ROBO1: variants seen among roughly 807,000 people sequenced by gnomAD.
ROBO1 encodes roundabout homolog 1.
In ROBO1, 149 loss-of-function variants were observed where a neutral mutation model predicts 195.9. The ratio of observed to expected loss-of-function variants is 0.76; its 90% CI spans 0.67 to 0.87. The LOEUF (loss-of-function observed/expected upper bound fraction) is 0.87. Among genes scored for constraint, ROBO1 ranks in the 40% least tolerant of loss-of-function variants. ROBO1 has a pLI of 0.00. For missense variants in ROBO1, 1,933 were observed against 2,068.3 expected, an observed-to-expected ratio of 0.93 and a Z score of 1.27; for synonymous variants, 816 against 733.2, an observed-to-expected ratio of 1.11 and a Z score of -1.82.
At chr3:79,697,657 T>C (rs190889615) in intron 1 of ROBO1, among the ~76,000 whole-genome samples, 1 of 151,638 alleles carries the variant, frequency 6.6e-6, no homozygotes, top group Admixed American at 6.6e-5. Flanking sequence ...TGAGGTGATA[T>C]ATTAATAATA....
At chr3:79,755,551 G>A (rs571578902) in intron 1 of ROBO1, among the ~76,000 whole-genome samples, 1 of 152,288 alleles carries the variant, frequency 6.6e-6, no homozygotes, top group South Asian at 2.1e-4. Context: ...CATCTGAAAA[G>A]AGTGTTATCT....
chr3:78,711,394 CCTTCCTTT>C (rs1475568514), intron 8 of ROBO1, among the ~76,000 whole-genome samples: 18 of 36,362 alleles, frequency 5.0e-4, no homozygotes, highest in African/African-American at 1.4e-3. Flanking sequence ...TTCCTTCCTT[CCTTCCTTT>C]CTTTCTTTCT....
chr3:78,761,210 C>T (rs1292653149), intron 4 of ROBO1, among the ~76,000 whole-genome samples: 4 of 151,698 alleles, frequency 2.6e-5, no homozygotes, highest in African/African-American at 7.3e-5. Flanking sequence ...TTTGAAAATG[C>T]CCTGCAACTT....
At chr3:78,631,556 T>C (rs1156748854) in intron 24 of ROBO1, among the ~76,000 whole-genome samples, 1 of 152,176 alleles carries the variant, frequency 6.6e-6, no homozygotes, top group Admixed American at 6.5e-5. Context: ...ATATCATTAA[T>C]AGTGATCTTC....
chr3:78,923,059 C>T (rs555128214), intron 4 of ROBO1, among the ~76,000 whole-genome samples: 2 of 152,042 alleles, frequency 1.3e-5, no homozygotes, highest in African/African-American at 4.8e-5. Flanking sequence ...CAATAGTTAT[C>T]CAATTATGCA....
intron 1 of ROBO1, among the ~76,000 whole-genome samples, chr3:79,699,654 TG>T (rs1477394668): frequency 1.3e-5 from 2 of 149,858 alleles, no homozygotes; most frequent in African/African-American, 4.9e-5. Flanking sequence ...CGTATGTTGT[TG>T]TTTTTTTTTC....
chr3:78,666,085 G>A (rs1374294976), intron 14 of ROBO1, among the ~76,000 whole-genome samples: 3 of 151,970 alleles, frequency 2.0e-5, no homozygotes, highest in Admixed American at 2.0e-4. Flanking sequence ...GTTTTATAAG[G>A]GGCTTTGCTC....
chr3:79,766,416 G>C (rs953884100), intron 1 of ROBO1, among the ~76,000 whole-genome samples: 6 of 151,618 alleles, frequency 4.0e-5, no homozygotes, highest in Non-Finnish European at 8.8e-5. Context: ...GGATGTCTTA[G>C]CATTCCGTCT....
At chr3:78,925,870 A>C (rs1009388750) in intron 4 of ROBO1, among the ~76,000 whole-genome samples, 2 of 151,728 alleles carry the variant, frequency 1.3e-5, no homozygotes, top group African/African-American at 4.8e-5. Context: ...TCTGAAGCAA[A>C]ATGTACTTTT....
At chr3:78,933,084 G>A (rs990775216) in intron 4 of ROBO1, among the ~76,000 whole-genome samples, 1 of 152,070 alleles carries the variant, frequency 6.6e-6, no homozygotes, top group Non-Finnish European at 1.5e-5. Context: ...CCTATAATCT[G>A]TTTAACTAAG....
Position 78,717,431 on chromosome 3 carries a change from C to A in ROBO1, c.779-18G>T. 1 of 1,611,292 alleles carries A rather than the reference C, an allele frequency of 6.2e-7. No homozygotes were observed. The highest frequency in any genetic ancestry group is 8.5e-7 in the Non-Finnish European group (1 of 1,177,850). On this transcript the variant is annotated intron_variant, in intron 6 of 30. Coordinates refer to ENST00000464233, the MANE Select transcript of ROBO1 (RefSeq NM_002941.4). ...TGGTCTCTCTAAAATTAAAAAGAGT[C>A]ATCTTAAGGTAAAATTTTAAAATGA...
intron 20 of ROBO1, among the ~76,000 whole-genome samples, chr3:78,646,583 T>C (rs1335756908): frequency 1.5e-5 from 2 of 137,682 alleles, no homozygotes; most frequent in Non-Finnish European, 3.1e-5. Context: ...TTCATAATTT[T>C]ATATAGGTGT....
intron 5 of ROBO1, among the ~76,000 whole-genome samples, chr3:78,738,036 A>T (rs2082433041): frequency 6.6e-6 from 1 of 152,166 alleles, no homozygotes; most frequent in African/African-American, 2.4e-5. Context: ...GGGAAGAGGA[A>T]GCAAAAGACA....
intron 3 of ROBO1, among the ~76,000 whole-genome samples, chr3:78,966,686 G>A (rs113517807): frequency 5.3e-5 from 8 of 152,172 alleles, no homozygotes; most frequent in African/African-American, 1.9e-4. Context: ...AATACAATTG[G>A]CACCTCTTAA....
intron 1 of ROBO1, among the ~76,000 whole-genome samples, chr3:79,748,946 T>C (rs1703998726): frequency 6.6e-6 from 1 of 152,158 alleles, no homozygotes; most frequent in African/African-American, 2.4e-5. Context: ...GGGGTCCTGC[T>C]GAAAAGATAC....
Position 78,915,685 on chromosome 3 carries a change from G to GT in ROBO1, c.499+22915dup, listed in dbSNP as rs1338174432. On this transcript the variant is annotated intron_variant, in intron 4 of 30. Transcript: ENST00000464233. ...TTCCTTCCTTCCTTCATTTCTTTCT[G>GT]TTTTTTTTGAGGCAGGGTTTTGCTC... Among the ~76,000 whole-genome samples the GT allele has an allele frequency of 4.9e-4, 74 of 151,352 alleles. 1 individual carries two copies. In the East Asian group the frequency reaches 5.1e-3, roughly 10 times the overall value.
At chr3:79,688,857 A>G (rs139385752) in intron 1 of ROBO1, among the ~76,000 whole-genome samples, 2 of 152,166 alleles carry the variant, frequency 1.3e-5, no homozygotes, top group Non-Finnish European at 2.9e-5. Context: ...TCTGGAAATA[A>G]TTGTTGTAAG....
At chr3:79,615,425 A>G (rs1944789836) in intron 1 of ROBO1, among the ~76,000 whole-genome samples, 1 of 152,120 alleles carries the variant, frequency 6.6e-6, no homozygotes, top group Non-Finnish European at 1.5e-5. Context: ...AAACATATAA[A>G]TCCAATCTAT....
intron 2 of ROBO1, among the ~76,000 whole-genome samples, chr3:79,332,344 T>G (rs541684899): frequency 6.6e-6 from 1 of 152,104 alleles, no homozygotes; most frequent in Non-Finnish European, 1.5e-5. Flanking sequence ...CAAAAGTGAA[T>G]CTGAAAACTG....
Sources: allele counts gnomAD v4.1 joint callset (sites outside exome capture counted in the v4.1 genomes callset), GRCh38; gene constraint gnomAD v4.1.1; transcripts MANE v1.5; gene names NCBI Gene and HGNC (gene_info 2026-07-23, HGNC 2026-07-21).